MAP2: variants seen among roughly 807,000 people sequenced by gnomAD.
MAP2 encodes the protein microtubule associated protein 2, also known as microtubule-associated protein 2.
Under a neutral mutation model 137.6 loss-of-function variants are expected in MAP2, and 14 were observed. That is an observed-to-expected ratio of 0.10 (90% CI 0.07 to 0.16). The LOEUF (loss-of-function observed/expected upper bound fraction) is 0.16. Ranked by LOEUF, MAP2 falls within the 10% of genes least tolerant of loss-of-function variation. The pLI is 1.00. For missense variants in MAP2, 2,088 were observed against 2,191.5 expected (o/e 0.95, Z 0.94); for synonymous variants, 786 against 782.3 (o/e 1.00, Z -0.08).
intron 1 of MAP2, among the ~76,000 whole-genome samples, chr2:209,429,079 G>A (rs928922905): frequency 9.2e-5 from 14 of 151,414 alleles, no homozygotes; most frequent in Non-Finnish European, 3.0e-5. Context: ...TCAGCCTCCC[G>A]AGTAGCTGGG....
At chr2:209,634,853 G>A (rs1287697443) in intron 4 of MAP2, among the ~76,000 whole-genome samples, 9 of 152,034 alleles carry the variant, frequency 5.9e-5, no homozygotes, top group South Asian at 2.1e-4. Flanking sequence ...CTAGTTTATC[G>A]AACTTAATTC....
chr2:209,595,608 G>C (rs2081042523), intron 3 of MAP2, among the ~76,000 whole-genome samples: 1 of 152,118 alleles, frequency 6.6e-6, no homozygotes, highest in Non-Finnish European at 1.5e-5. Flanking sequence ...CCATTACTGG[G>C]TATATACCCA....
Position 209,718,810 on chromosome 2 carries a change from G to A in MAP2, c.5074-6899G>A, listed in dbSNP as rs77187025. On this transcript the variant is annotated intron_variant, in intron 13 of 15. Coordinates refer to ENST00000682079, the MANE Select transcript of MAP2 (RefSeq NM_001375505.1). ...TTAAAGAAACTATTGTTCAATGTAG[G>A]CAGGGATGATTAAAATTCTGATTAT... Among the ~76,000 whole-genome samples, 1,046 of 152,172 alleles carry A rather than the reference G, an allele frequency of 6.9e-3. 4 individuals are homozygous for A. Among genetic ancestry groups the A allele is most frequent in the Non-Finnish European group, 0.01 (691 of 67,994 alleles).
At position 209,692,850 on chromosome 2, in the gene MAP2, G is replaced by A; in HGVS notation, c.680G>A (p.Gly227Glu). Residue 227 changes from glycine to glutamate, a missense_variant, in exon 8 of 16, where the codon GGG (glycine) becomes GAG (glutamate). By Grantham distance (98) the Gly-to-Glu change is moderately conservative. Around this residue, in one of 6 missense-constraint regions of MAP2, gnomAD observed 859 missense variants for 794.5 expected, o/e 1.08. Transcript: ENST00000682079. ...EEEKAPLALF[G>E]HTLVASLEDM... The stretch of plus-strand genomic sequence containing the variant: ...GAAAAAGCACCCCTAGCTTTGTTTG[G>A]GCACACTCTTGTTGCCAGCCTGGAA... The A allele has an allele frequency of 6.2e-7, 1 of 1,613,352 alleles. No homozygotes were observed. Among genetic ancestry groups the A allele is most frequent in the African/African-American group, 1.3e-5 (1 of 74,920 alleles).
intron 11 of MAP2, chr2:209,704,724 C>G: frequency 1.8e-6 from 2 of 1,117,692 alleles, no homozygotes; most frequent in Admixed American, 5.8e-5. Context: ...ATACTTTACT[C>G]TGAAGTGTTT....
At chr2:209,664,392 A>G (rs1001054809) in intron 5 of MAP2, among the ~76,000 whole-genome samples, 2 of 152,126 alleles carry the variant, frequency 1.3e-5, no homozygotes. Flanking sequence ...TCTACTAAAA[A>G]TACAAAAATT....
At chr2:209,523,176 G>A (rs1448704638) in intron 2 of MAP2, among the ~76,000 whole-genome samples, 1 of 151,932 alleles carries the variant, frequency 6.6e-6, no homozygotes, top group African/African-American at 2.4e-5. Flanking sequence ...TACAGTGGGC[G>A]AGATGCCCTC....
At chr2:209,717,413 C>T (rs909951993) in intron 13 of MAP2, among the ~76,000 whole-genome samples, 1 of 152,142 alleles carries the variant, frequency 6.6e-6, no homozygotes, top group Non-Finnish European at 1.5e-5. Flanking sequence ...CCACCAGGTC[C>T]CTCCTCCAAT....
At position 209,521,184 on chromosome 2, in the gene MAP2, A is replaced by C. The variant is rs796956188; in HGVS notation, c.-172+13543A>C. Among the ~76,000 whole-genome samples the C allele has an allele frequency of 3.3e-5, 5 of 152,088 alleles. No individual in the cohort carries two copies. In the South Asian group the frequency reaches 1.0e-3, roughly 31 times the overall value. On this transcript the variant is annotated intron_variant, in intron 2 of 15. Coordinates refer to ENST00000682079, the MANE Select transcript of MAP2 (RefSeq NM_001375505.1). Reference sequence around the variant, plus strand: ...CTTTCTTGAGCACCACATCGTGCCAAGAAGTGTGCTAGAAAAGAACAAGAA... The same window carrying C: ...CTTTCTTGAGCACCACATCGTGCCACGAAGTGTGCTAGAAAAGAACAAGAA...
At chr2:209,698,836 C>A (rs989263964) in intron 10 of MAP2, among the ~76,000 whole-genome samples, 1 of 152,072 alleles carries the variant, frequency 6.6e-6, no homozygotes, top group Non-Finnish European at 1.5e-5. Context: ...ATTGCTTGGG[C>A]AAGCAGAATC....
At chr2:209,655,888 G>T (rs1014737873) in intron 5 of MAP2, among the ~76,000 whole-genome samples, 4 of 152,154 alleles carry the variant, frequency 2.6e-5, no homozygotes, top group Non-Finnish European at 4.4e-5. Context: ...TTAAATCAAA[G>T]AATCTTCCCT....
At chr2:209,725,686 C>T (rs372104073) in intron 13 of MAP2, 23 bp from the exon 14 acceptor site, 58 of 1,498,884 alleles carry the variant, frequency 3.9e-5, no homozygotes, top group Non-Finnish European at 5.0e-5. Context: ...CTATTTTAAG[C>T]ATGTTTTATG....
At chr2:209,483,225 T>A (rs555378092) in intron 1 of MAP2, among the ~76,000 whole-genome samples, 1 of 152,296 alleles carries the variant, frequency 6.6e-6, no homozygotes, top group South Asian at 2.1e-4. Flanking sequence ...TAATACATGT[T>A]GATCAAAGAC....
intron 3 of MAP2, among the ~76,000 whole-genome samples, chr2:209,623,596 C>A (rs1206401299): frequency 1.3e-5 from 2 of 152,140 alleles, no homozygotes; most frequent in African/African-American, 4.8e-5. Context: ...AGCTGGCCTA[C>A]CATTCTACTT....
intron 5 of MAP2, among the ~76,000 whole-genome samples, chr2:209,666,074 A>C (rs777074475): frequency 1.3e-5 from 2 of 152,042 alleles, no homozygotes; most frequent in Non-Finnish European, 2.9e-5. Context: ...ATGTTTATTT[A>C]TGTCTTTCTT....
chr2:209,710,724 C>G (rs888914653), intron 13 of MAP2: 1 of 158,206 alleles, frequency 6.3e-6, no homozygotes, highest in African/African-American at 2.4e-5. Flanking sequence ...GATGTTTCAC[C>G]GAGTTTCAAT....
chr2:209,582,660 T>C (rs1295864100), intron 3 of MAP2, among the ~76,000 whole-genome samples: 1 of 16,056 alleles, frequency 6.2e-5, no homozygotes, highest in African/African-American at 7.4e-5. Flanking sequence ...AGATAGATGA[T>C]AGATAGATAG....
rs151301293 is a variant in MAP2, at chr2:209,725,786, G to A, written c.5151G>A (p.Arg1717=). 3.1e-4 allele frequency: 484 copies of A among 1,582,008 alleles called. 4 individuals carry two copies. In the East Asian group the frequency reaches 0.01, roughly 33 times the overall value. Residue 1717 remains arginine (R), a synonymous_variant, in exon 14 of 16, where the codon AGG becomes AGA. Coordinates refer to ENST00000682079, the MANE Select transcript of MAP2 (RefSeq NM_001375505.1). ...KCGSLKNIRH[R]PGGGRVKIES... ...GCTCTCTGAAGAACATCCGCCACAG[G>A]CCAGGTAAATAAATAATTTTTAGTA... is the stretch of plus-strand genomic sequence containing the variant.
At chr2:209,552,577 T>C (rs1163543283) in intron 2 of MAP2, among the ~76,000 whole-genome samples, 2 of 152,198 alleles carry the variant, frequency 1.3e-5, no homozygotes, top group Non-Finnish European at 2.9e-5. Flanking sequence ...GAGAAATACT[T>C]ACTGGCCGGG....
Sources: gnomAD v4.1 joint callset for allele counts (sites outside exome capture counted in the v4.1 genomes callset) on GRCh38, gnomAD v4.1.1 for gene constraint, gnomAD v4.1.1 regional missense constraint, MANE v1.5 for transcripts, NCBI Gene and HGNC (gene_info 2026-07-23, HGNC 2026-07-21) for gene names.